The following SEMA3E variants were observed in gnomAD, a reference collection of about 807,000 sequenced individuals.
SEMA3E encodes semaphorin-3E.
SEMA3E carries 49 observed loss-of-function variants against 93.6 expected under a neutral mutation model. The ratio of observed to expected loss-of-function variants is 0.52; its 90% CI spans 0.42 to 0.66. The LOEUF is 0.66. Ranked by LOEUF, SEMA3E falls within the 30% of genes least tolerant of loss-of-function variation. SEMA3E has a pLI of 0.00. For missense variants in SEMA3E, 906 were observed against 964.8 expected, an observed-to-expected ratio of 0.94 and a Z score of 0.81; for synonymous variants, 363 against 330.7, an observed-to-expected ratio of 1.10 and a Z score of -1.06.
At chr7:83,408,512 G>T (rs201694071) in intron 5 of SEMA3E, 25 bp from the exon 6 acceptor site, 1 of 1,612,476 alleles carries the variant, frequency 6.2e-7, no homozygotes, top group Admixed American at 1.7e-5. Flanking sequence ...CAGTAAAAAA[G>T]AAGTCAGTAT....
intron 4 of SEMA3E, among the ~76,000 whole-genome samples, chr7:83,426,014 C>G (rs528179798): frequency 6.6e-6 from 1 of 151,846 alleles, no homozygotes; most frequent in Admixed American, 6.6e-5. Context: ...AAATCAAAAC[C>G]ACAATGAGAT....
chr7:83,609,744 C>T (rs1303826445), intron 1 of SEMA3E, among the ~76,000 whole-genome samples: 1 of 151,918 alleles, frequency 6.6e-6, no homozygotes, highest in Non-Finnish European at 1.5e-5. Flanking sequence ...TAAAAACAAT[C>T]TTGCATAAAA....
At chr7:83,463,823 TC>T (rs1789690127) in intron 4 of SEMA3E, among the ~76,000 whole-genome samples, 1 of 152,144 alleles carries the variant, frequency 6.6e-6, no homozygotes, top group South Asian at 2.1e-4. Flanking sequence ...CAGGGATTAT[TC>T]AGGCCCCCTC....
At chr7:83,575,533 G>A (rs921742615) in intron 1 of SEMA3E, among the ~76,000 whole-genome samples, 5 of 151,888 alleles carry the variant, frequency 3.3e-5, no homozygotes, top group African/African-American at 9.7e-5. Flanking sequence ...TAACATTTAC[G>A]TTTTCTACCC....
At chr7:83,388,313 AT>A (rs1787925344) in intron 14 of SEMA3E, among the ~76,000 whole-genome samples, 3 of 53,760 alleles carry the variant, frequency 5.6e-5, no homozygotes, top group Admixed American at 6.3e-4. Context: ...ATCTCAAAAA[AT>A]AAAAAAATAA....
intron 16 of SEMA3E, among the ~76,000 whole-genome samples, chr7:83,380,798 T>C (rs1402872345): frequency 6.6e-6 from 1 of 151,960 alleles, no homozygotes; most frequent in East Asian, 1.9e-4. Context: ...TCCGAGTAGA[T>C]ATTTACTGAG....
At chr7:83,428,999 G>A (rs891355582) in intron 4 of SEMA3E, among the ~76,000 whole-genome samples, 1 of 152,060 alleles carries the variant, frequency 6.6e-6, no homozygotes, top group East Asian at 1.9e-4. Context: ...TATTGTAGTT[G>A]GAGAGGAGTA....
At chr7:83,439,070 TC>T (rs1229578617) in intron 4 of SEMA3E, among the ~76,000 whole-genome samples, 1 of 152,200 alleles carries the variant, frequency 6.6e-6, no homozygotes, top group Non-Finnish European at 1.5e-5. Flanking sequence ...TATCTACTTT[TC>T]ATGGGAAGGA....
At chr7:83,384,857 GTGT>G (rs1412118191) in intron 16 of SEMA3E, among the ~76,000 whole-genome samples, 9 of 151,938 alleles carry the variant, frequency 5.9e-5, no homozygotes, top group Non-Finnish European at 8.8e-5. Flanking sequence ...TGTTGTAGCT[GTGT>G]TGTTATTTTA....
intron 2 of SEMA3E, among the ~76,000 whole-genome samples, chr7:83,474,227 T>G (rs1396791827): frequency 6.6e-6 from 1 of 152,058 alleles, no homozygotes; most frequent in Non-Finnish European, 1.5e-5. Flanking sequence ...ACTTATACAT[T>G]ATGTAGCCAA....
chr7:83,411,552 C>T (rs1788438754), intron 5 of SEMA3E, among the ~76,000 whole-genome samples: 2 of 151,818 alleles, frequency 1.3e-5, no homozygotes, highest in East Asian at 3.9e-4. Context: ...AGAAAGACAA[C>T]ACATTAGTGA....
At chr7:83,518,637 A>G (rs1790983085) in intron 1 of SEMA3E, among the ~76,000 whole-genome samples, 1 of 152,294 alleles carries the variant, frequency 6.6e-6, no homozygotes, top group South Asian at 2.1e-4. Context: ...ATAATAGTTG[A>G]CTATTACATT....
At chr7:83,547,503 T>G (rs2115788683) in intron 1 of SEMA3E, among the ~76,000 whole-genome samples, 1 of 152,274 alleles carries the variant, frequency 6.6e-6, no homozygotes, top group South Asian at 2.1e-4. Context: ...ATGGAATCAC[T>G]TATTCTGCCA....
intron 1 of SEMA3E, among the ~76,000 whole-genome samples, chr7:83,643,419 C>A (rs1236108248): frequency 1.3e-5 from 2 of 151,962 alleles, no homozygotes; most frequent in Non-Finnish European, 2.9e-5. Context: ...CCAAAATTGA[C>A]CCAGTTCATA....
intron 4 of SEMA3E, among the ~76,000 whole-genome samples, chr7:83,432,246 A>C (rs1584245029): frequency 1.3e-5 from 2 of 150,572 alleles, no homozygotes; most frequent in East Asian, 3.9e-4. Flanking sequence ...CTATTAAAAA[A>C]TAGTTTTACA....
intron 16 of SEMA3E, among the ~76,000 whole-genome samples, chr7:83,384,223 A>G (rs894615942): frequency 6.6e-6 from 1 of 152,026 alleles, no homozygotes; most frequent in African/African-American, 2.4e-5. Context: ...TAGGCTAGGA[A>G]AAAAGGAATA....
At chr7:83,546,214 C>T (rs1380714843) in intron 1 of SEMA3E, among the ~76,000 whole-genome samples, 1 of 149,226 alleles carries the variant, frequency 6.7e-6, no homozygotes, top group Admixed American at 6.8e-5. Flanking sequence ...CCAATATTTA[C>T]AAATCTTATT....
At chr7:83,505,269 C>A (rs570208720) in intron 1 of SEMA3E, among the ~76,000 whole-genome samples, 2 of 152,142 alleles carry the variant, frequency 1.3e-5, no homozygotes, top group East Asian at 3.9e-4. Context: ...GCTTATGTTA[C>A]AAACCCAATC....
intron 4 of SEMA3E, among the ~76,000 whole-genome samples, chr7:83,455,987 C>T (rs1789469678): frequency 6.6e-6 from 1 of 152,216 alleles, no homozygotes; most frequent in African/African-American, 2.4e-5. Flanking sequence ...TAAACAGTGC[C>T]TGGACTCTCA....
Sources: gnomAD v4.1 joint callset for allele counts (sites outside exome capture counted in the v4.1 genomes callset) on GRCh38, gnomAD v4.1.1 for gene constraint, MANE v1.5 for transcripts, NCBI Gene and HGNC (gene_info 2026-07-23, HGNC 2026-07-21) for gene names.